LSAMP: variants seen among roughly 807,000 people sequenced by gnomAD.
The protein encoded by LSAMP is limbic system-associated membrane protein.
In LSAMP, 7 loss-of-function variants were observed where a neutral mutation model predicts 38.6. That is an observed-to-expected ratio of 0.18 (90% CI 0.10 to 0.34). The LOEUF is 0.34. Ranked by LOEUF, LSAMP falls within the 10% of genes least tolerant of loss-of-function variation. The pLI, the probability that LSAMP is intolerant of heterozygous loss-of-function variation, is 1.00. For synonymous variants in LSAMP, 154 were observed against 166.8 expected (o/e 0.92, Z 0.59); for missense variants, 313 against 420.0 (o/e 0.75, Z 2.23).
chr3:116,050,543 A>G lies in LSAMP; in HGVS notation c.389-30903T>C, dbSNP rs577245738. On this transcript the variant is annotated intron_variant, in intron 2 of 6. Coordinates refer to ENST00000490035, the MANE Select transcript of LSAMP (RefSeq NM_002338.5). ...TGGGGAAATTAGGGGGAAAAAAAAAAAGTATCCACTAAGTCACATGGTCAA... is the reference window on the plus strand; with the variant it reads ...TGGGGAAATTAGGGGGAAAAAAAAAGAGTATCCACTAAGTCACATGGTCAA... Among the ~76,000 whole-genome samples the G allele has an allele frequency of 7.9e-5, 12 of 151,986 alleles. No individual in the cohort carries two copies. In the East Asian group the frequency reaches 2.3e-3, roughly 29 times the overall value.
chr3:115,951,096 A>G (rs1938274064), intron 3 of LSAMP, among the ~76,000 whole-genome samples: 1 of 152,158 alleles, frequency 6.6e-6, no homozygotes. Flanking sequence ...ACTGGATACT[A>G]ATTTCTTACC....
rs1935030673 is a variant in LSAMP, at chr3:115,842,526, T to C, written c.702A>G (p.Gln234=). The C allele has an allele frequency of 6.2e-7, 1 of 1,613,778 alleles. No homozygotes were observed. The highest frequency in any genetic ancestry group is 8.5e-7 in the Non-Finnish European group (1 of 1,179,860). ...CCGAGGCCTCACATTTGAGTGAAGC[T>C]TGTCGTCCTGTGGTGGCTTCATTGC... ...SKSNEATTGR[Q]ASLKCEASAV... The change falls in exon 5 of 7, where the codon CAA becomes CAG. Residue 234 remains glutamine, a synonymous_variant. Transcript: ENST00000490035.
chr3:116,042,806 C>T (rs1418597968), intron 2 of LSAMP, among the ~76,000 whole-genome samples: 3 of 152,162 alleles, frequency 2.0e-5, no homozygotes, highest in African/African-American at 7.2e-5. Context: ...GTGTCTCTGC[C>T]AGACACACAT....
chr3:115,880,536 C>T (rs1444652794), intron 3 of LSAMP, among the ~76,000 whole-genome samples: 1 of 152,052 alleles, frequency 6.6e-6, no homozygotes, highest in Non-Finnish European at 1.5e-5. Flanking sequence ...ATCCCAGGGT[C>T]TCTATTTTAA....
At chr3:116,097,193 CA>C (rs1294189377) in intron 1 of LSAMP, among the ~76,000 whole-genome samples, 20 of 139,274 alleles carry the variant, frequency 1.4e-4, no homozygotes, top group Admixed American at 1.0e-3. Context: ...TTACAGATAC[CA>C]AAAGCATTGC....
chr3:116,169,230 C>T (rs1331303240), intron 1 of LSAMP, among the ~76,000 whole-genome samples: 1 of 152,062 alleles, frequency 6.6e-6, no homozygotes, highest in Non-Finnish European at 1.5e-5. Context: ...ATAAATAGCT[C>T]TGCTCTCTAC....
chr3:115,881,687 G>A (rs68160605), intron 3 of LSAMP, among the ~76,000 whole-genome samples: 23,287 of 152,146 alleles, frequency 0.15, 2,239 homozygotes, highest in African/African-American at 0.28. Context: ...TATGTGCAGT[G>A]TGTTGAATAA....
intron 1 of LSAMP, among the ~76,000 whole-genome samples, chr3:116,231,246 G>T (rs2046399467): frequency 6.6e-6 from 1 of 152,142 alleles, no homozygotes. Context: ...GAAAGGTTCT[G>T]GTTCTTTACA....
intron 1 of LSAMP, among the ~76,000 whole-genome samples, chr3:116,407,113 G>A (rs2048907329): frequency 6.6e-6 from 1 of 151,922 alleles, no homozygotes; most frequent in African/African-American, 2.4e-5. Flanking sequence ...AAATAGCCAA[G>A]CATATCTGTC....
chr3:115,901,589 G>A (rs1455562243), intron 3 of LSAMP, among the ~76,000 whole-genome samples: 3 of 152,152 alleles, frequency 2.0e-5, no homozygotes, highest in South Asian at 2.1e-4. Flanking sequence ...CTATCTCAAC[G>A]TATAGCATCT....
chr3:116,411,182 T>G (rs1051766033), intron 1 of LSAMP, among the ~76,000 whole-genome samples: 11 of 152,142 alleles, frequency 7.2e-5, no homozygotes, highest in Non-Finnish European at 1.2e-4. Context: ...TTGGTGGGAC[T>G]GTAAACTAGT....
chr3:116,213,855 A>G (rs1314960362), intron 1 of LSAMP, among the ~76,000 whole-genome samples: 1 of 152,208 alleles, frequency 6.6e-6, no homozygotes, highest in East Asian at 1.9e-4. Context: ...TAAAATAATC[A>G]AATTTAAAGA....
chr3:116,269,424 A>T (rs2046940431), intron 1 of LSAMP, among the ~76,000 whole-genome samples: 1 of 152,132 alleles, frequency 6.6e-6, no homozygotes, highest in Non-Finnish European at 1.5e-5. Context: ...GATCTCTGGC[A>T]TCCTACACAT....
intron 3 of LSAMP, among the ~76,000 whole-genome samples, chr3:115,945,018 A>AT (rs930820821): frequency 1.5e-4 from 23 of 151,644 alleles, no homozygotes; most frequent in African/African-American, 3.4e-4. Flanking sequence ...GCTTATTCTA[A>AT]TTTTTTTTCC....
At chr3:116,129,759 C>A (rs1709084198) in intron 1 of LSAMP, among the ~76,000 whole-genome samples, 1 of 152,126 alleles carries the variant, frequency 6.6e-6, no homozygotes, top group Non-Finnish European at 1.5e-5. Context: ...GGAGCATATG[C>A]AATGTTTCCA....
At chr3:115,872,049 T>C (rs936696890) in intron 3 of LSAMP, among the ~76,000 whole-genome samples, 1 of 152,172 alleles carries the variant, frequency 6.6e-6, no homozygotes, top group Non-Finnish European at 1.5e-5. Flanking sequence ...CATCTCAGCA[T>C]TTCCCTTTTT....
intron 1 of LSAMP, among the ~76,000 whole-genome samples, chr3:116,367,513 T>G (rs12637991): frequency 7.8e-6 from 1 of 127,992 alleles, no homozygotes. Flanking sequence ...TTTTTTTTTG[T>G]CCTTTTTTGA....
intron 1 of LSAMP, among the ~76,000 whole-genome samples, chr3:116,304,800 A>G (rs1255250249): frequency 6.6e-6 from 1 of 152,098 alleles, no homozygotes; most frequent in Non-Finnish European, 1.5e-5. Context: ...GTGAATACAC[A>G]TGTGATGCTG....
chr3:116,194,708 A>T (rs1404171067), intron 1 of LSAMP, among the ~76,000 whole-genome samples: 3 of 152,030 alleles, frequency 2.0e-5, no homozygotes, highest in Admixed American at 6.6e-5. Flanking sequence ...GGGATTCCTA[A>T]ATAGCCCACT....
Sources: allele counts gnomAD v4.1 joint callset (sites outside exome capture counted in the v4.1 genomes callset), GRCh38; gene constraint gnomAD v4.1.1; transcripts MANE v1.5; gene names NCBI Gene and HGNC (gene_info 2026-07-23, HGNC 2026-07-21).